SGCZ: variants seen among roughly 807,000 people sequenced by gnomAD.
The protein encoded by SGCZ is zeta-sarcoglycan.
In SGCZ, 40 loss-of-function variants were observed where a neutral mutation model predicts 41.3. That is an observed-to-expected ratio of 0.97 (90% CI 0.75 to 1.26). The LOEUF (loss-of-function observed/expected upper bound fraction) is 1.26. Among genes scored for constraint, SGCZ ranks in the 50% most tolerant of loss-of-function variants. The pLI is 0.00. For synonymous variants in SGCZ, 206 were observed against 137.5 expected (o/e 1.50, Z -3.49); for missense variants, 552 against 369.8 (o/e 1.49, Z -4.04).
At chr8:14,919,298 G>C (rs1472676830) in intron 1 of SGCZ, among the ~76,000 whole-genome samples, 1 of 151,968 alleles carries the variant, frequency 6.6e-6, no homozygotes, top group African/African-American at 2.4e-5. Context: ...GAAATTAGCT[G>C]GGTGTCGTGG....
At chr8:14,424,576 C>A (rs1799725082) in intron 2 of SGCZ, among the ~76,000 whole-genome samples, 1 of 152,118 alleles carries the variant, frequency 6.6e-6, no homozygotes, top group Admixed American at 6.5e-5. Flanking sequence ...TTTGGAACTA[C>A]TATATCATCT....
chr8:14,611,448 T>C lies in SGCZ; in HGVS notation c.40-56522A>G, dbSNP rs572060404. On this transcript the variant is annotated intron_variant, in intron 1 of 7. Transcript: ENST00000382080. ...TTCTGGGAATAAAGATGTATCAGAG[T>C]GGCTTTAAATTCCATTTTATCGGTC... Among the ~76,000 whole-genome samples, 6 of 152,210 alleles carry C rather than the reference T, an allele frequency of 3.9e-5. No individual in the cohort carries two copies. In the South Asian group the frequency reaches 1.0e-3, roughly 26 times the overall value.
intron 1 of SGCZ, among the ~76,000 whole-genome samples, chr8:15,027,256 A>G (rs1049969892): frequency 7.9e-5 from 12 of 152,166 alleles, no homozygotes; most frequent in Non-Finnish European, 1.5e-4. Flanking sequence ...ATAAACAAAC[A>G]TATTCACTTC....
intron 2 of SGCZ, among the ~76,000 whole-genome samples, chr8:14,364,834 A>G (rs181113456): frequency 1.3e-5 from 2 of 152,202 alleles, no homozygotes; most frequent in East Asian, 3.9e-4. Context: ...GGTGTTCTTC[A>G]TTGAAGAATA....
At chr8:14,164,804 T>C (rs1804158706) in intron 4 of SGCZ, 102 bp from the exon 5 acceptor site, 10 of 1,356,692 alleles carry the variant, frequency 7.4e-6, no homozygotes, top group Middle Eastern at 1.9e-4. Flanking sequence ...ATTTAATTTG[T>C]TTATCTCTGC....
At chr8:14,596,880 A>C (rs866730508) in intron 1 of SGCZ, among the ~76,000 whole-genome samples, 1 of 152,204 alleles carries the variant, frequency 6.6e-6, no homozygotes, top group Non-Finnish European at 1.5e-5. Flanking sequence ...AAAAGAATAT[A>C]TTCCATGTGT....
intron 3 of SGCZ, chr8:14,309,755 A>C: frequency 3.2e-6 from 5 of 1,571,398 alleles, no homozygotes; most frequent in Non-Finnish European, 4.3e-6. Flanking sequence ...CTCTTCAAAA[A>C]GCAGAGTGGA....
chr8:14,318,029 G>A (rs1181122052), intron 3 of SGCZ, among the ~76,000 whole-genome samples: 1 of 151,796 alleles, frequency 6.6e-6, no homozygotes. Flanking sequence ...TATATCAGTA[G>A]AACAGCATAG....
At chr8:14,636,952 A>G (rs1229782538) in intron 1 of SGCZ, among the ~76,000 whole-genome samples, 2 of 151,942 alleles carry the variant, frequency 1.3e-5, no homozygotes. Context: ...GGCAGCATTT[A>G]ACATTCTAGG....
In SGCZ at chr8:14,685,762, A is replaced by G. The variant is rs1248101341; in HGVS notation, c.40-130836T>C. On this transcript the variant is annotated intron_variant, in intron 1 of 7. Transcript: ENST00000382080. ...TATGATTTAATTTACAGGAAAGTCT[A>G]TTTAAATATTACAGATGAACACACA... 3.3e-5 allele frequency among the ~76,000 whole-genome samples: 5 copies of G among 152,174 alleles called. No homozygotes were observed. The East Asian group carries it at 9.6e-4, about 29-fold the overall frequency.
rs929942618 is a variant in SGCZ, at chr8:14,223,845, C to A, written c.424+13747G>T. ...AAAAACTACCTTCTGCTTTTTCTCC[C>A]ACTAGGAAATGAATATTAGTATTAC... On this transcript the variant is annotated intron_variant, in intron 4 of 7. Transcript: ENST00000382080. Among the ~76,000 whole-genome samples, 4 of 152,140 alleles carry A rather than the reference C, an allele frequency of 2.6e-5. No homozygotes were observed. In the East Asian group the frequency reaches 7.7e-4, roughly 29 times the overall value.
intron 1 of SGCZ, among the ~76,000 whole-genome samples, chr8:14,619,700 A>G (rs1395524459): frequency 2.6e-5 from 4 of 152,196 alleles, no homozygotes; most frequent in African/African-American, 9.7e-5. Flanking sequence ...AATTGCTTCA[A>G]AGAGAATAAA....
chr8:14,916,658 C>T (rs1472399485), intron 1 of SGCZ, among the ~76,000 whole-genome samples: 7 of 152,092 alleles, frequency 4.6e-5, no homozygotes, highest in African/African-American at 1.7e-4. Context: ...ACTAAGATTC[C>T]ATTATGTGTG....
intron 2 of SGCZ, among the ~76,000 whole-genome samples, chr8:14,362,605 C>T (rs34269011): frequency 0.19 from 29,234 of 152,134 alleles, 3,540 homozygotes; most frequent in Non-Finnish European, 0.28. Context: ...TCTGTCACAG[C>T]TTCCCTTGGG....
intron 5 of SGCZ, among the ~76,000 whole-genome samples, chr8:14,125,460 C>G (rs749420193): frequency 1.1e-4 from 17 of 150,184 alleles, no homozygotes; most frequent in Non-Finnish European, 1.9e-4. Context: ...GCCGAGATCA[C>G]GCCACTGCAC....
intron 2 of SGCZ, among the ~76,000 whole-genome samples, chr8:14,450,885 T>G (rs1800573932): frequency 6.6e-6 from 1 of 152,138 alleles, no homozygotes; most frequent in African/African-American, 2.4e-5. Context: ...AAAGTGGTAT[T>G]TCAAATCCCT....
chr8:14,684,876 G>T (rs62493147), intron 1 of SGCZ, among the ~76,000 whole-genome samples: 28,163 of 152,014 alleles, frequency 0.19, 3,370 homozygotes, highest in East Asian at 0.43. Flanking sequence ...GTGTGGAGGA[G>T]GGAGGTCTGT....
At chr8:14,840,463 G>C (rs1287414341) in intron 1 of SGCZ, among the ~76,000 whole-genome samples, 1 of 151,970 alleles carries the variant, frequency 6.6e-6, no homozygotes, top group Non-Finnish European at 1.5e-5. Flanking sequence ...AACGTTCCGT[G>C]GCCAGGAAAA....
intron 1 of SGCZ, among the ~76,000 whole-genome samples, chr8:14,921,688 C>T (rs1211367733): frequency 6.6e-6 from 1 of 152,082 alleles, no homozygotes; most frequent in Non-Finnish European, 1.5e-5. Flanking sequence ...CATCATTTTA[C>T]AGATGTAAAG....
Sources: gnomAD v4.1 joint callset for allele counts (sites outside exome capture counted in the v4.1 genomes callset) on GRCh38, gnomAD v4.1.1 for gene constraint, MANE v1.5 for transcripts, NCBI Gene and HGNC (gene_info 2026-07-23, HGNC 2026-07-21) for gene names.